IRGQ: variants seen among roughly 807,000 people sequenced by gnomAD.
IRGQ encodes the protein immunity related GTPase Q.
IRGQ carries 5 observed loss-of-function variants against 10.5 expected under a neutral mutation model. The observed-to-expected ratio is 0.48, with a 90% CI of 0.25 to 1.00. The LOEUF (loss-of-function observed/expected upper bound fraction) is 1.00. IRGQ is among the 50% of genes least tolerant of loss of function. The pLI is 0.16. For synonymous variants in IRGQ, 418 were observed against 426.0 expected (o/e 0.98, Z 0.23); for missense variants, 792 against 877.7 (o/e 0.90, Z 1.23).
Position 43,594,978 on chromosome 19 carries a change from A to G in IRGQ, c.361T>C (p.Ser121Pro), listed in dbSNP as rs765177397. The G allele has an allele frequency of 6.2e-7, 1 of 1,613,910 alleles. No homozygotes were observed. The change falls in exon 2 of 3, where the codon TCA becomes CCA. Residue 121 changes from serine to proline, a missense_variant. Ser to Pro is a moderately conservative substitution (Grantham distance 74, BLOSUM62 -1). Coordinates refer to ENST00000422989, the MANE Select transcript of IRGQ (RefSeq NM_001007561.3). The part of the protein sequence containing the change: ...LAVRNLRPGD[S>P]QTAAQARDQT... The stretch of plus-strand genomic sequence containing the variant: ...TCACGGGCCTGGGCGGCAGTCTGTG[A>G]ATCCCCAGGACGGAGGTTCCGCACA...
Position 43,591,800 on chromosome 19 carries a change from GTCGCGCCA to G in IRGQ, c.*218_*225del. 2.4e-6 allele frequency: 1 copy of G among 417,268 alleles called. No individual in the cohort carries two copies. Among genetic ancestry groups the G allele is most frequent in the Non-Finnish European group, 4.2e-6 (1 of 238,736 alleles). 25.8% of individuals were successfully genotyped at this position (417,268 alleles called of 1,614,324 possible). A position where few individuals can be genotyped will look rare whatever the true frequency, so the allele number is the denominator to read the frequency against. ...GAGGCGGAGGTTGCAGTGAGCCGAG[GTCGCGCCA>G]TTGCACTCCAGCCTGGGCAACAAGA... On this transcript the variant is annotated 3_prime_UTR_variant, in exon 3 of 3. Coordinates refer to ENST00000422989, the MANE Select transcript of IRGQ (RefSeq NM_001007561.3).
At position 43,591,808 on chromosome 19, in the gene IRGQ, A is replaced by G. The variant is rs1341318608; in HGVS notation, c.*218T>C. 4.4e-6 allele frequency: 2 copies of G among 452,982 alleles called. No individual in the cohort carries two copies. The highest frequency in any genetic ancestry group is 7.6e-6 in the Non-Finnish European group (2 of 262,706). 28.1% of individuals were successfully genotyped at this position (452,982 alleles called of 1,614,324 possible). A position where few individuals can be genotyped will look rare whatever the true frequency, so the allele number is the denominator to read the frequency against. ...GGTTGCAGTGAGCCGAGGTCGCGCC[A>G]TTGCACTCCAGCCTGGGCAACAAGA... On this transcript the variant is annotated 3_prime_UTR_variant, in exon 3 of 3. Coordinates refer to ENST00000422989, the MANE Select transcript of IRGQ (RefSeq NM_001007561.3).
At position 43,588,551 on chromosome 19, in the gene IRGQ, T is replaced by G. The variant is rs1973020428; in HGVS notation, c.*3475A>C. 1 of 152,198 alleles carries G rather than the reference T, an allele frequency of 6.6e-6. No individual in the cohort carries two copies. Among genetic ancestry groups the G allele is most frequent in the Non-Finnish European group, 1.5e-5 (1 of 68,052 alleles). 9.4% of individuals were successfully genotyped at this position (152,198 alleles called of 1,614,324 possible). On this transcript the variant is annotated 3_prime_UTR_variant, in exon 3 of 3. Coordinates refer to ENST00000422989, the MANE Select transcript of IRGQ (RefSeq NM_001007561.3). ...CTGATCAACATGGTGAAACCCCATC[T>G]CTACTAAAAATACAAAAATTAGCCA...
Position 43,592,226 on chromosome 19 carries a change from C to T in IRGQ, c.1672G>A (p.Ala558Thr). 2 of 1,586,948 alleles carry T rather than the reference C, an allele frequency of 1.3e-6. No homozygotes were observed. The highest frequency in any genetic ancestry group is 1.7e-6 in the Non-Finnish European group (2 of 1,173,454). The change falls in exon 3 of 3, where the codon GCA becomes ACA. Residue 558 changes from alanine to threonine, a missense_variant. Coordinates refer to ENST00000422989, the MANE Select transcript of IRGQ (RefSeq NM_001007561.3). ...PGPVTRAEVE[A>T]RLGAWAGEGT... The stretch of plus-strand genomic sequence containing the variant: ...TCGCCCGCCCAGGCGCCCAGTCTTG[C>T]TTCCACCTCGGCGCGCGTCACCGGG...
At position 43,592,250 on chromosome 19, in the gene IRGQ, G is replaced by T; in HGVS notation, c.1648C>A (p.Pro550Thr). 1 of 1,578,838 alleles carries T rather than the reference G, an allele frequency of 6.3e-7. No homozygotes were observed. Among genetic ancestry groups the T allele is most frequent in the Non-Finnish European group, 8.5e-7 (1 of 1,170,360 alleles). The change falls in exon 3 of 3, where the codon CCG becomes ACG. Residue 550 changes from proline (P) to threonine (T), a missense_variant. Coordinates refer to ENST00000422989, the MANE Select transcript of IRGQ (RefSeq NM_001007561.3). ...GCTTCCACCTCGGCGCGCGTCACCG[G>T]GCCTGGGAAATGAGCGCGCGCTGCC... ...ELAARAHFPGPVTRAEVEARL... is the reference protein window; with the variant it reads ...ELAARAHFPGTVTRAEVEARL...
Position 43,592,732 on chromosome 19 carries a change from G to C in IRGQ, c.1166C>G (p.Ala389Gly). ...KAGSGEGPGK[A>G]GSEGLQQVVG... ...AACCTGCTGCAAACCCTCGCTGCCA[G>C]CTTTCCCAGGACCTTCCCCGCTGCC... The change falls in exon 3 of 3, where the codon GCT becomes GGT. Residue 389 changes from alanine to glycine, a missense_variant. Transcript: ENST00000422989. 2 of 1,611,682 alleles carry C rather than the reference G, an allele frequency of 1.2e-6. No individual in the cohort carries two copies. The highest frequency in any genetic ancestry group is 1.7e-6 in the Non-Finnish European group (2 of 1,179,970).
In IRGQ at chr19:43,592,169, G is replaced by C. The variant is rs1416503393; in HGVS notation, c.1729C>G (p.Leu577Val). 3.1e-6 allele frequency: 5 copies of C among 1,606,800 alleles called. No homozygotes were observed. The African/African-American group carries it at 4.0e-5, about 13-fold the overall frequency. The change falls in exon 3 of 3, where the codon CTC becomes GTC. Residue 577 changes from leucine (L) to valine (V), a missense_variant. Transcript: ENST00000422989. ...CCACCCGCAGGCCACAGGAAGGAGA[G>C]AGCCCCCAGTGCTGCGCCCCCAGCA... ...GTAGGAALGA[L>V]SFLWPAGGAA... is the part of the protein sequence containing the mutation.
In IRGQ at chr19:43,586,856, C is replaced by T. The variant is rs1422814542; in HGVS notation, c.*5170G>A. ...AGATGCCATTTGTAGAGTGACTTGC[C>T]CAAGTCAGTGGAAGGACTATCTGCC... On this transcript the variant is annotated 3_prime_UTR_variant, in exon 3 of 3. Transcript: ENST00000422989. The T allele has an allele frequency of 6.6e-6, 1 of 152,142 alleles. No homozygotes were observed. The highest frequency in any genetic ancestry group is 1.5e-5 in the Non-Finnish European group (1 of 68,028). The allele number at this position is 152,142 out of a possible 1,614,324, so 9.4% of individuals were successfully genotyped here.
Position 43,592,577 on chromosome 19 carries a change from C to G in IRGQ, c.1321G>C (p.Gly441Arg). The change falls in exon 3 of 3, where the codon GGG (glycine) becomes CGG (arginine). Residue 441 changes from glycine (G) to arginine (R), a missense_variant. Physicochemically the swap from Gly to Arg is moderately radical, Grantham distance 125. Transcript: ENST00000422989. ...GCTCGCCGCAGCCATTCGCATAGCC[C>G]TGGGAGTCCGCCAGGCCGTAGGGGG... is the stretch of plus-strand genomic sequence containing the variant. The part of the protein sequence containing the change: ...VFPLRPGGLP[G>R]LCEWLRRALP... 6.3e-7 allele frequency: 1 copy of G among 1,599,642 alleles called. No homozygotes were observed. Among genetic ancestry groups the G allele is most frequent in the Non-Finnish European group, 8.5e-7 (1 of 1,179,694 alleles).
chr19:43,592,608 T>C lies in IRGQ; in HGVS notation c.1290A>G (p.Pro430=), dbSNP rs1414668217. 1 of 1,601,264 alleles carries C rather than the reference T, an allele frequency of 6.2e-7. No individual in the cohort carries two copies. The highest frequency in any genetic ancestry group is 1.3e-5 in the African/African-American group (1 of 75,044). The change falls in exon 3 of 3, where the codon CCA becomes CCG. Residue 430 remains proline (P), a synonymous_variant. Transcript: ENST00000422989. ...TWEVLEEAPP[P]VFPLRPGGLP... is the part of the protein sequence containing the mutation. The stretch of plus-strand genomic sequence containing the variant: ...GTCCGCCAGGCCGTAGGGGGAACAC[T>C]GGCGGCGGCGCCTCCTCCAGCACCT...
At position 43,585,245 on chromosome 19, in the gene IRGQ, GT is replaced by G. The variant is rs796168991; in HGVS notation, c.*6780del. On this transcript the variant is annotated 3_prime_UTR_variant, in exon 3 of 3. Transcript: ENST00000422989. Reference sequence around the variant, plus strand: ...GAAGTCCCAGTGCATAAGCACTTTGGTTTTTTTTTTTTGAGAGAAGTCTCGC... The same window carrying G: ...GAAGTCCCAGTGCATAAGCACTTTGGTTTTTTTTTTTGAGAGAAGTCTCGC... The G allele has an allele frequency of 6.2e-4, 87 of 140,504 alleles. No individual in the cohort carries two copies. The highest frequency in any genetic ancestry group is 9.1e-4 in the South Asian group (4 of 4,374). 8.7% of individuals were successfully genotyped at this position (140,504 alleles called of 1,614,324 possible). A position where few individuals can be genotyped will look rare whatever the true frequency, so the allele number is the denominator to read the frequency against.
At position 43,592,232 on chromosome 19, in the gene IRGQ, C is replaced by T. The variant is rs1328953039; in HGVS notation, c.1666G>A (p.Val556Met). ...HFPGPVTRAE[V>M]EARLGAWAGE... is the part of the protein sequence containing the mutation. ...GCCCAGGCGCCCAGTCTTGCTTCCA[C>T]CTCGGCGCGCGTCACCGGGCCTGGG... Residue 556 changes from valine to methionine, a missense_variant, in exon 3 of 3, where the codon GTG (valine) becomes ATG (methionine). Val to Met is a conservative substitution (Grantham distance 21). Coordinates refer to ENST00000422989, the MANE Select transcript of IRGQ (RefSeq NM_001007561.3). The T allele has an allele frequency of 6.3e-7, 1 of 1,582,994 alleles. No homozygotes were observed. The highest frequency in any genetic ancestry group is 1.7e-5 in the Admixed American group (1 of 57,342).
At position 43,595,636 on chromosome 19, in the gene IRGQ, G is replaced by A. The variant is rs766299456; in HGVS notation, c.-2-296C>T. 264 of 265,034 alleles carry A rather than the reference G, an allele frequency of 1.0e-3. 1 individual carries two copies. Among genetic ancestry groups the A allele is most frequent in the Non-Finnish European group, 1.5e-3 (215 of 141,106 alleles). The allele number at this position is 265,034 out of a possible 1,614,324, so 16.4% of individuals were successfully genotyped here. On this transcript the variant is annotated intron_variant, in intron 1 of 2. Transcript: ENST00000422989. ...CCCAGTGCTTTGGGAGGCCGAGGCC[G>A]GAGGATCGCTTGAGGCCAGGAATTC...
In IRGQ at chr19:43,592,973, T is replaced by C; in HGVS notation, c.925A>G (p.Thr309Ala). 6.2e-7 allele frequency: 1 copy of C among 1,609,102 alleles called. No homozygotes were observed. Among genetic ancestry groups the C allele is most frequent in the African/African-American group, 1.3e-5 (1 of 75,008 alleles). The change falls in exon 3 of 3, where the codon ACT becomes GCT. Residue 309 changes from threonine to alanine, a missense_variant. Transcript: ENST00000422989. ...TGGACCTGGGCCCAGTCCTTCTCAG[T>C]GGGGGCCCCAGGGGTGACGAGGATG... is the stretch of plus-strand genomic sequence containing the variant. ...ALILVTPGAPTEKDWAQVQAL... is the reference protein window; with the variant it reads ...ALILVTPGAPAEKDWAQVQAL...
chr19:43,593,491 A>G lies in IRGQ; in HGVS notation c.531-124T>C. 1.0e-6 allele frequency: 1 copy of G among 956,880 alleles called. No homozygotes were observed. The highest frequency in any genetic ancestry group is 1.4e-6 in the Non-Finnish European group (1 of 699,876). 59.3% of individuals were successfully genotyped at this position (956,880 alleles called of 1,614,324 possible). On this transcript the variant is annotated intron_variant, in intron 2 of 2. Coordinates refer to ENST00000422989, the MANE Select transcript of IRGQ (RefSeq NM_001007561.3). This position sits in a 1 kb window ranked among gnomAD's most constrained non-coding sequence, Gnocchi z 6.4. Reference sequence around the variant, plus strand: ...GAATGGGGCAGGGGTAGGAAAGGGAAGGGCCAGACTGATGGCACAGCAAAT... The same window carrying G: ...GAATGGGGCAGGGGTAGGAAAGGGAGGGGCCAGACTGATGGCACAGCAAAT...
chr19:43,589,055 GC>G lies in IRGQ; in HGVS notation c.*2970del, dbSNP rs1426103856. The stretch of plus-strand genomic sequence containing the variant: ...CTTGGATCAGTTACCTTTGTCTTCA[GC>G]TTTTAAGGGAGACAGGATCTCAAAA... On this transcript the variant is annotated 3_prime_UTR_variant, in exon 3 of 3. Coordinates refer to ENST00000422989, the MANE Select transcript of IRGQ (RefSeq NM_001007561.3). 1 of 152,138 alleles carries G rather than the reference GC, an allele frequency of 6.6e-6. No individual in the cohort carries two copies. Among genetic ancestry groups the G allele is most frequent in the Non-Finnish European group, 1.5e-5 (1 of 68,038 alleles). 9.4% of individuals were successfully genotyped at this position (152,138 alleles called of 1,614,324 possible). A position where few individuals can be genotyped will look rare whatever the true frequency, so the allele number is the denominator to read the frequency against.
At position 43,594,974 on chromosome 19, in the gene IRGQ, T is replaced by G; in HGVS notation, c.365A>C (p.Gln122Pro). The G allele has an allele frequency of 1.9e-6, 3 of 1,613,976 alleles. No individual in the cohort carries two copies. The highest frequency in any genetic ancestry group is 2.5e-6 in the Non-Finnish European group (3 of 1,179,934). The part of the protein sequence containing the change: ...AVRNLRPGDS[Q>P]TAAQARDQTA... ...CTGATCACGGGCCTGGGCGGCAGTCTGTGAATCCCCAGGACGGAGGTTCCG... is the reference window on the plus strand; with the variant it reads ...CTGATCACGGGCCTGGGCGGCAGTCGGTGAATCCCCAGGACGGAGGTTCCG... Residue 122 changes from glutamine to proline, a missense_variant, in exon 2 of 3, where the codon CAG becomes CCG. By Grantham distance (76) the Gln-to-Pro change is moderately conservative (BLOSUM62 -1). Coordinates refer to ENST00000422989, the MANE Select transcript of IRGQ (RefSeq NM_001007561.3).
At position 43,592,288 on chromosome 19, in the gene IRGQ, G is replaced by T; in HGVS notation, c.1610C>A (p.Ala537Asp). The T allele has an allele frequency of 1.3e-6, 2 of 1,569,826 alleles. No homozygotes were observed. The highest frequency in any genetic ancestry group is 1.7e-6 in the Non-Finnish European group (2 of 1,166,558). The change falls in exon 3 of 3, where the codon GCT becomes GAT. Residue 537 changes from alanine to aspartate, a missense_variant. Coordinates refer to ENST00000422989, the MANE Select transcript of IRGQ (RefSeq NM_001007561.3). ...AGCGCGCGCTGCCAGCTCTCCAGAA[G>T]CCAGGCCCAGGGCACGCTCACGTCG... is the stretch of plus-strand genomic sequence containing the variant. ...LARRERALGL[A>D]SGELAARAHF...
rs757768983 is a variant in IRGQ, at chr19:43,595,158, G to A, written c.181C>T (p.Leu61=). The A allele has an allele frequency of 2.6e-5, 42 of 1,606,858 alleles. No individual in the cohort carries two copies. Among genetic ancestry groups the A allele is most frequent in the African/African-American group, 5.4e-5 (4 of 74,734 alleles). The change falls in exon 2 of 3, where the codon CTG becomes TTG. Residue 61 remains leucine, a synonymous_variant. Coordinates refer to ENST00000422989, the MANE Select transcript of IRGQ (RefSeq NM_001007561.3). ...CCCGGCGCTGCGGGTGGGCAGCTCAGCTCGCCCAGAAAAAGGCCTGGGCCC... is the reference window on the plus strand; with the variant it reads ...CCCGGCGCTGCGGGTGGGCAGCTCAACTCGCCCAGAAAAAGGCCTGGGCCC... ...AAGPGLFLGE[L]SCPPAAPGPW...
Sources: gnomAD v4.1 joint callset for allele counts on GRCh38, gnomAD v4.1.1 for gene constraint, Gnocchi (gnomAD v3.1) non-coding constraint, MANE v1.5 for transcripts, NCBI Gene and HGNC (gene_info 2026-07-23, HGNC 2026-07-21) for gene names.